Variants in NAV1 observed in about 807,000 individuals in gnomAD.
NAV1 encodes pore membrane and/or filament interacting like protein 3.
NAV1 carries 18 observed loss-of-function variants against 175.2 expected under a neutral mutation model. The observed-to-expected ratio is 0.10, with a 90% CI of 0.07 to 0.15. NAV1 has a LOEUF of 0.15. NAV1 is among the 10% of genes least tolerant of loss of function. The pLI, the probability that NAV1 is intolerant of heterozygous loss-of-function variation, is 1.00. For missense variants in NAV1, 1,731 were observed against 2,436.6 expected, an observed-to-expected ratio of 0.71 and a Z score of 6.10; for synonymous variants, 897 against 978.7, an observed-to-expected ratio of 0.92 and a Z score of 1.56.
chr1:201,788,362 C>T lies in NAV1; in HGVS notation c.2996-106C>T, dbSNP rs964664525. 9.0e-6 allele frequency: 11 copies of T among 1,217,512 alleles called. No homozygotes were observed. Among genetic ancestry groups the T allele is most frequent in the South Asian group, 5.1e-5 (4 of 78,820 alleles). The allele number at this position is 1,217,512 out of a possible 1,614,324, so 75.4% of individuals were successfully genotyped here. On this transcript the variant is annotated intron_variant, in intron 9 of 29. Transcript: ENST00000367296. This position sits in a 1 kb window ranked among gnomAD's most constrained non-coding sequence, Gnocchi z 5.7. ...TCCTGCCCTCTCCCCATTTGCCTCTCATGCTCCCGGTGCTCCATCCCCCAA... is the reference window on the plus strand; with the variant it reads ...TCCTGCCCTCTCCCCATTTGCCTCTTATGCTCCCGGTGCTCCATCCCCCAA...
intron 1 of NAV1, among the ~76,000 whole-genome samples, chr1:201,682,115 CA>C (rs34550001): frequency 0.095 from 7,883 of 83,304 alleles, 642 homozygotes; most frequent in African/African-American, 0.3. Context: ...GACTCCATCT[CA>C]AAAAAAAAAA....
At chr1:201,725,817 G>T (rs957473524) in intron 3 of NAV1, among the ~76,000 whole-genome samples, 1 of 151,950 alleles carries the variant, frequency 6.6e-6, no homozygotes, top group Non-Finnish European at 1.5e-5. Context: ...ACTTAACTGG[G>T]CATGGTGGCA....
At chr1:201,738,294 G>A (rs1673202535) in intron 3 of NAV1, among the ~76,000 whole-genome samples, 2 of 152,064 alleles carry the variant, frequency 1.3e-5, no homozygotes, top group African/African-American at 4.8e-5. Flanking sequence ...TGATCTCAAA[G>A]CATATTTGGA....
chr1:201,621,694 A>G (rs1668175679), upstream of NAV1, among the ~76,000 whole-genome samples: 1 of 152,176 alleles, frequency 6.6e-6, no homozygotes. Flanking sequence ...TTTTGCCCAT[A>G]TAAAGATTTT....
At chr1:201,623,132 G>T (rs1008544267) in exon 1 of NAV1, 3 of 985,888 alleles carry the variant, frequency 3.0e-6, no homozygotes, top group Non-Finnish European at 3.6e-6. Context: ...AAGTTTGCTG[G>T]GGCGGTGAGG....
At chr1:201,655,884 G>A (rs1669386070) in intron 1 of NAV1, among the ~76,000 whole-genome samples, 2 of 152,144 alleles carry the variant, frequency 1.3e-5, no homozygotes, top group Non-Finnish European at 2.9e-5. Flanking sequence ...TTTGGAATGT[G>A]GAGGGGTGTG....
chr1:201,780,892 A>C, intron 4 of NAV1, 120 bp from the exon 9 acceptor site: 1 of 1,172,734 alleles, frequency 8.5e-7, no homozygotes, highest in Non-Finnish European at 1.2e-6. Flanking sequence ...AGAAACCCTC[A>C]GTTTGACTTA....
rs1198243740 is a variant in NAV1, at chr1:201,808,427, T to A, written c.3855T>A (p.Ala1285=). 1.2e-6 allele frequency: 2 copies of A among 1,611,744 alleles called. No individual in the cohort carries two copies. The highest frequency in any genetic ancestry group is 2.2e-5 in the South Asian group (2 of 90,860). ...TCTTGCTATCTTACAGGGGCCCTGCTCACCCAGCCCCCCACACTAGGCTGT... is the reference window on the plus strand; with the variant it reads ...TCTTGCTATCTTACAGGGGCCCTGCACACCCAGCCCCCCACACTAGGCTGT... The change falls in exon 19 of 30, where the codon GCT becomes GCA. Residue 1285 remains alanine, a synonymous_variant. Transcript: ENST00000367296. The surrounding 1 kb of genome is among the most constrained non-coding windows in gnomAD (Gnocchi z 5.5).
At position 201,788,320 on chromosome 1, in the gene NAV1, G is replaced by T; in HGVS notation, c.2996-148G>T. ...CAGCTGCTTGCACACTCCCACCACC[G>T]CACCTGCCCCTTCCTCTCCTGCCCT... On this transcript the variant is annotated intron_variant, in intron 9 of 29. Transcript: ENST00000367296. The surrounding 1 kb of genome is among the most constrained non-coding windows in gnomAD (Gnocchi z 5.7). 1 of 766,872 alleles carries T rather than the reference G, an allele frequency of 1.3e-6. No individual in the cohort carries two copies. The allele number at this position is 766,872 out of a possible 1,614,324, so 47.5% of individuals were successfully genotyped here. A position where few individuals can be genotyped will look rare whatever the true frequency, so the allele number is the denominator to read the frequency against.
At position 201,609,821 on chromosome 1, in the gene NAV1, A is replaced by G. The variant is rs140722086; in HGVS notation, c.-32-13032A>G. Among the ~76,000 whole-genome samples the G allele has an allele frequency of 7.7e-3, 1,166 of 152,214 alleles. 12 individuals carry two copies. The highest frequency in any genetic ancestry group is 0.023 in the African/African-American group (963 of 41,526). On this transcript the variant is annotated intron_variant, in intron 2 of 33. Transcript: ENST00000685211. ...TTGTTAGGGAAGCCAGACTTCTTGT[A>G]ACTCTGGCCTGGAGGAAAGTGTATA...
At chr1:201,800,293 A>G (rs1677767968) in intron 15 of NAV1, among the ~76,000 whole-genome samples, 1 of 152,184 alleles carries the variant, frequency 6.6e-6, no homozygotes, top group East Asian at 1.9e-4. Flanking sequence ...GGGCCACCAC[A>G]CCCAGCCCCT....
intron 3 of NAV1, among the ~76,000 whole-genome samples, chr1:201,741,247 C>G (rs1444994889): frequency 1.3e-5 from 2 of 152,152 alleles, no homozygotes; most frequent in Non-Finnish European, 2.9e-5. Flanking sequence ...ACCATGGGCA[C>G]CAGGAGCCCC....
intron 28 of NAV1, among the ~76,000 whole-genome samples, chr1:201,816,532 TA>T (rs889273069): frequency 2.2e-4 from 34 of 152,242 alleles, no homozygotes; most frequent in African/African-American, 8.2e-4. Flanking sequence ...AAAAATTAAA[TA>T]TTTTTTAAAG....
intron 1 of NAV1, among the ~76,000 whole-genome samples, chr1:201,669,081 G>A: frequency 6.6e-6 from 1 of 152,196 alleles, no homozygotes; most frequent in South Asian, 2.1e-4. Flanking sequence ...CTCAGGCATG[G>A]TTAGCAACAA....
At chr1:201,746,641 G>A (rs937853842) in intron 3 of NAV1, among the ~76,000 whole-genome samples, 2 of 152,200 alleles carry the variant, frequency 1.3e-5, no homozygotes, top group African/African-American at 4.8e-5. Context: ...AGGTCAAGGA[G>A]CAGCACGTTA....
In NAV1 at chr1:201,813,465, C is replaced by T. The variant is rs1394325709; in HGVS notation, c.5340+207C>T. ...GGTACAATGACCACTGCCTCTGGGG[C>T]CATCTCTCCAGTCCTAGGCCTTCTG... On this transcript the variant is annotated intron_variant, in intron 28 of 29. Coordinates refer to ENST00000367296, the Ensembl canonical transcript of NAV1. The surrounding 1 kb of genome is among the most constrained non-coding windows in gnomAD (Gnocchi z 4.2). Among the ~76,000 whole-genome samples the T allele has an allele frequency of 6.6e-6, 1 of 152,188 alleles. No individual in the cohort carries two copies. The highest frequency in any genetic ancestry group is 1.5e-5 in the Non-Finnish European group (1 of 68,044).
rs147171022 is a variant in NAV1, at chr1:201,638,942, C to T, written c.4+9435C>T. 5.5e-3 allele frequency among the ~76,000 whole-genome samples: 840 copies of T among 152,270 alleles called. 37 individuals carry two copies. The highest frequency in any genetic ancestry group is 0.05 in the Admixed American group (766 of 15,300). On this transcript the variant is annotated intron_variant, in intron 2 of 29. Transcript: ENST00000367302. ...TTCAGCTGGCAGAAGAGGATATCTC[C>T]GTGGGATATAAGTAGGCAGAATGTG...
chr1:201,622,991 C>T (rs1476708423), exon 1 of NAV1: 17 of 986,020 alleles, frequency 1.7e-5, no homozygotes, highest in Non-Finnish European at 8.4e-6. Flanking sequence ...CCGGGCGCTT[C>T]TCCCCAGCTG....
At chr1:201,635,125 G>A (rs973598197) in intron 2 of NAV1, among the ~76,000 whole-genome samples, 5 of 151,992 alleles carry the variant, frequency 3.3e-5, no homozygotes, top group Admixed American at 6.6e-5. Flanking sequence ...TGCAAGCTCC[G>A]CCTCCTGGGT....
Sources: gnomAD v4.1 joint callset for allele counts (sites outside exome capture counted in the v4.1 genomes callset) on GRCh38, gnomAD v4.1.1 for gene constraint, Gnocchi (gnomAD v3.1) non-coding constraint, MANE v1.5 for transcripts, NCBI Gene and HGNC (gene_info 2026-07-23, HGNC 2026-07-21) for gene names.